Variants in ADRB1 observed in about 807,000 individuals in gnomAD.
ADRB1 encodes the protein adrenoceptor beta 1.
For missense variants in ADRB1, 635 were observed against 709.1 expected (o/e 0.90, Z 1.19); for synonymous variants, 365 against 347.2 (o/e 1.05, Z -0.57).
At position 114,045,590 on chromosome 10, in the gene ADRB1, C is replaced by A; in HGVS notation, c.*24C>A. 7.9e-7 allele frequency: 1 copy of A among 1,272,076 alleles called. No homozygotes were observed. The highest frequency in any genetic ancestry group is 1.0e-6 in the Non-Finnish European group (1 of 1,001,462). The allele number at this position is 1,272,076 out of a possible 1,614,324, so 78.8% of individuals were successfully genotyped here. On this transcript the variant is annotated 3_prime_UTR_variant, in exon 1 of 1. Coordinates refer to ENST00000369295, the MANE Select transcript of ADRB1 (RefSeq NM_000684.3). ...AGGGCCCGGCGCGGGGCGCGGACTC[C>A]GGGCACGGCTTCCCAGGGGAACGAG...
Position 114,045,615 on chromosome 10 carries a change from G to A in ADRB1, c.*49G>A. The A allele has an allele frequency of 8.0e-7, 1 of 1,257,786 alleles. No homozygotes were observed. Among genetic ancestry groups the A allele is most frequent in the Non-Finnish European group, 1.0e-6 (1 of 992,598 alleles). The allele number at this position is 1,257,786 out of a possible 1,614,324, so 77.9% of individuals were successfully genotyped here. On this transcript the variant is annotated 3_prime_UTR_variant, in exon 1 of 1. Coordinates refer to ENST00000369295, the MANE Select transcript of ADRB1 (RefSeq NM_000684.3). ...CGGGCACGGCTTCCCAGGGGAACGA[G>A]GAGATCTGTGTTTACTTAAGACCGA... is the stretch of plus-strand genomic sequence containing the variant.
At position 114,044,503 on chromosome 10, in the gene ADRB1, G is replaced by A; in HGVS notation, c.371G>A (p.Trp124Ter). The change falls in exon 1 of 1, where the codon TGG (tryptophan) becomes TAG (stop). Residue 124 changes from tryptophan to a stop codon, truncating the protein, a stop_gained. Transcript: ENST00000369295. LOFTEE classifies it low-confidence loss of function (END_TRUNC). The surrounding 1 kb of genome is among the most constrained non-coding windows in gnomAD (Gnocchi z 7.8). ...FGATIVVWGR[W>*]EYGSFFCELW... is the part of the protein sequence containing the mutation. The stretch of plus-strand genomic sequence containing the variant: ...GCCACCATCGTGGTGTGGGGCCGCT[G>A]GGAGTACGGCTCCTTCTTCTGCGAG... 6.2e-7 allele frequency: 1 copy of A among 1,613,712 alleles called. No individual in the cohort carries two copies. Among genetic ancestry groups the A allele is most frequent in the Non-Finnish European group, 8.5e-7 (1 of 1,179,972 alleles).
In ADRB1 at chr10:114,044,730, CGGGCGGA is replaced by C; in HGVS notation, c.600_606del (p.Glu202ThrfsTer27). ...CCTGCCCATCCTCATGCACTGGTGGCGGGCGGAGAGCGACGAGGCGCGCCGCTGCTAC... is the reference window on the plus strand; with the variant it reads ...CCTGCCCATCCTCATGCACTGGTGGCGAGCGACGAGGCGCGCCGCTGCTAC... On this transcript the variant is annotated frameshift_variant, in exon 1 of 1. Transcript: ENST00000369295. LOFTEE classifies it low-confidence loss of function (END_TRUNC). The surrounding 1 kb of genome is among the most constrained non-coding windows in gnomAD (Gnocchi z 7.8). 2 of 1,610,658 alleles carry C rather than the reference CGGGCGGA, an allele frequency of 1.2e-6. No homozygotes were observed. The highest frequency in any genetic ancestry group is 1.7e-6 in the Non-Finnish European group (2 of 1,179,486).
At position 114,044,336 on chromosome 10, in the gene ADRB1, C is replaced by A. The variant is rs1186022858; in HGVS notation, c.204C>A (p.Ile68=). ...TAGMGLLMAL[I]VLLIVAGNVL... is the part of the protein sequence containing the mutation. Reference sequence around the variant, plus strand: ...GCATGGGTCTGCTGATGGCGCTCATCGTGCTGCTCATCGTGGCGGGCAATG... The same window carrying A: ...GCATGGGTCTGCTGATGGCGCTCATAGTGCTGCTCATCGTGGCGGGCAATG... Residue 68 remains isoleucine (I), a synonymous_variant, in exon 1 of 1, where the codon ATC becomes ATA. Transcript: ENST00000369295. The surrounding 1 kb of genome is among the most constrained non-coding windows in gnomAD (Gnocchi z 7.8). 6.2e-7 allele frequency: 1 copy of A among 1,602,610 alleles called. No homozygotes were observed. Among genetic ancestry groups the A allele is most frequent in the South Asian group, 1.1e-5 (1 of 90,540 alleles).
Position 114,045,443 on chromosome 10 carries a change from G to A in ADRB1, c.1311G>A (p.Gly437=). 1.6e-6 allele frequency: 2 copies of A among 1,249,536 alleles called. No homozygotes were observed. The highest frequency in any genetic ancestry group is 1.0e-6 in the Non-Finnish European group (1 of 995,582). The allele number at this position is 1,249,536 out of a possible 1,614,324, so 77.4% of individuals were successfully genotyped here. The change falls in exon 1 of 1, where the codon GGG becomes GGA. Residue 437 remains glycine (G), a synonymous_variant. Transcript: ENST00000369295. Reference sequence around the variant, plus strand: ...ACGACGACGACGACGATGTCGTCGGGGCCACGCCGCCCGCGCGCCTGCTGG... The same window carrying A: ...ACGACGACGACGACGATGTCGTCGGAGCCACGCCGCCCGCGCGCCTGCTGG... The part of the protein sequence containing the change: ...ASDDDDDDVV[G]ATPPARLLEP...
In ADRB1 at chr10:114,044,744, C is replaced by T. The variant is rs1398625070; in HGVS notation, c.612C>T (p.Asp204=). ...TGCACTGGTGGCGGGCGGAGAGCGA[C>T]GAGGCGCGCCGCTGCTACAACGACC... The part of the protein sequence containing the change: ...ILMHWWRAES[D]EARRCYNDPK... The change falls in exon 1 of 1, where the codon GAC becomes GAT. Residue 204 remains aspartate, a synonymous_variant. Coordinates refer to ENST00000369295, the MANE Select transcript of ADRB1 (RefSeq NM_000684.3). This position sits in a 1 kb window ranked among gnomAD's most constrained non-coding sequence, Gnocchi z 7.8. 1 of 1,611,422 alleles carries T rather than the reference C, an allele frequency of 6.2e-7. No homozygotes were observed. Among genetic ancestry groups the T allele is most frequent in the Non-Finnish European group, 8.5e-7 (1 of 1,179,728 alleles).
Position 114,045,307 on chromosome 10 carries a change from G to A in ADRB1, c.1175G>A (p.Cys392Tyr), listed in dbSNP as rs763305276. Reference protein sequence around the residue: ...DFRKAFQGLLCCARRAARRRH... With the variant: ...DFRKAFQGLLYCARRAARRRH... ...CGCAAGGCCTTCCAGGGACTGCTCTGCTGCGCGCGCAGGGCTGCCCGCCGG... is the reference window on the plus strand; with the variant it reads ...CGCAAGGCCTTCCAGGGACTGCTCTACTGCGCGCGCAGGGCTGCCCGCCGG... The change falls in exon 1 of 1, where the codon TGC becomes TAC. Residue 392 changes from cysteine (C) to tyrosine (Y), a missense_variant. Physicochemically the swap from Cys to Tyr is radical, Grantham distance 194 (BLOSUM62 -2). Coordinates refer to ENST00000369295, the MANE Select transcript of ADRB1 (RefSeq NM_000684.3). 9.6e-6 allele frequency: 15 copies of A among 1,559,860 alleles called. No individual in the cohort carries two copies. In the African/African-American group the frequency reaches 1.4e-4, roughly 15 times the overall value.
At position 114,044,220 on chromosome 10, in the gene ADRB1, G is replaced by C. The variant is rs1847526713; in HGVS notation, c.88G>C (p.Ala30Pro). The C allele has an allele frequency of 1.4e-6, 2 of 1,416,364 alleles. No homozygotes were observed. Among genetic ancestry groups the C allele is most frequent in the Non-Finnish European group, 1.8e-6 (2 of 1,098,190 alleles). The allele number at this position is 1,416,364 out of a possible 1,614,324, so 87.7% of individuals were successfully genotyped here. Residue 30 changes from alanine (A) to proline (P), a missense_variant, in exon 1 of 1, where the codon GCG (alanine) becomes CCG (proline). Transcript: ENST00000369295. This position sits in a 1 kb window ranked among gnomAD's most constrained non-coding sequence, Gnocchi z 7.8. ...APLPDGAATAARLLVPASPPA... is the reference protein window; with the variant it reads ...APLPDGAATAPRLLVPASPPA... ...GCTCCCCGACGGCGCGGCCACCGCG[G>C]CGCGGCTGCTGGTGCCCGCGTCGCC... is the stretch of plus-strand genomic sequence containing the variant.
Position 114,045,194 on chromosome 10 carries a change from G to A in ADRB1, c.1062G>A (p.Val354=). The change falls in exon 1 of 1, where the codon GTG becomes GTA. Residue 354 remains valine, a synonymous_variant. Transcript: ENST00000369295. The part of the protein sequence containing the change: ...NVVKAFHREL[V]PDRLFVFFNW... Reference sequence around the variant, plus strand: ...TGAAGGCCTTCCACCGCGAGCTGGTGCCCGACCGCCTCTTCGTCTTCTTCA... The same window carrying A: ...TGAAGGCCTTCCACCGCGAGCTGGTACCCGACCGCCTCTTCGTCTTCTTCA... The A allele has an allele frequency of 6.3e-7, 1 of 1,598,216 alleles. No individual in the cohort carries two copies.
rs1218148560 is a variant in ADRB1 at position 114,045,797 on chromosome 10, CTTCTTTT to C, written c.*234_*240del. On this transcript the variant is annotated 3_prime_UTR_variant, in exon 1 of 1. Coordinates refer to ENST00000369295, the MANE Select transcript of ADRB1 (RefSeq NM_000684.3). ...TTTTTTTTCTTTTCTTTTCTTTCTT[CTTCTTTT>C]TTTTTTTTTTTTTTTTTTCTGTTTG... 2.8e-5 allele frequency: 5 copies of C among 180,724 alleles called. No homozygotes were observed. The highest frequency in any genetic ancestry group is 1.1e-4 in the Admixed American group (1 of 9,412). 11.2% of individuals were successfully genotyped at this position (180,724 alleles called of 1,614,324 possible). A position where few individuals can be genotyped will look rare whatever the true frequency, so the allele number is the denominator to read the frequency against.
Position 114,044,905 on chromosome 10 carries a change from T to C in ADRB1, c.773T>C (p.Ile258Thr). 6.3e-7 allele frequency: 1 copy of C among 1,597,176 alleles called. No individual in the cohort carries two copies. Among genetic ancestry groups the C allele is most frequent in the South Asian group, 1.1e-5 (1 of 90,052 alleles). The change falls in exon 1 of 1, where the codon ATC becomes ACC. Residue 258 changes from isoleucine to threonine, a missense_variant. Physicochemically the swap from Ile to Thr is moderately conservative, Grantham distance 89. Coordinates refer to ENST00000369295, the MANE Select transcript of ADRB1 (RefSeq NM_000684.3). This position sits in a 1 kb window ranked among gnomAD's most constrained non-coding sequence, Gnocchi z 7.8. ...GAGGCCCAGAAGCAGGTGAAGAAGATCGACAGCTGCGAGCGCCGTTTCCTC... is the reference window on the plus strand; with the variant it reads ...GAGGCCCAGAAGCAGGTGAAGAAGACCGACAGCTGCGAGCGCCGTTTCCTC... Reference protein sequence around the residue: ...FREAQKQVKKIDSCERRFLGG... With the variant: ...FREAQKQVKKTDSCERRFLGG...
rs1182992855 is a variant in ADRB1 at position 114,044,331 on chromosome 10, C to T, written c.199C>T (p.Leu67Phe). Reference sequence around the variant, plus strand: ...AGCGGGCATGGGTCTGCTGATGGCGCTCATCGTGCTGCTCATCGTGGCGGG... The same window carrying T: ...AGCGGGCATGGGTCTGCTGATGGCGTTCATCGTGCTGCTCATCGTGGCGGG... ...WTAGMGLLMA[L>F]IVLLIVAGNV... The change falls in exon 1 of 1, where the codon CTC (leucine) becomes TTC (phenylalanine). Residue 67 changes from leucine to phenylalanine, a missense_variant. Physicochemically the swap from Leu to Phe is conservative, Grantham distance 22 (BLOSUM62 0). Transcript: ENST00000369295. The surrounding 1 kb of genome is among the most constrained non-coding windows in gnomAD (Gnocchi z 7.8). 2 of 1,601,298 alleles carry T rather than the reference C, an allele frequency of 1.2e-6. No homozygotes were observed. The highest frequency in any genetic ancestry group is 2.7e-5 in the African/African-American group (2 of 74,816).
In ADRB1 at chr10:114,045,233, C is replaced by T; in HGVS notation, c.1101C>T (p.Tyr367=). 6.3e-7 allele frequency: 1 copy of T among 1,599,226 alleles called. No individual in the cohort carries two copies. Among genetic ancestry groups the T allele is most frequent in the Non-Finnish European group, 8.5e-7 (1 of 1,172,640 alleles). ...TCGTCTTCTTCAACTGGCTGGGCTACGCCAACTCGGCCTTCAACCCCATCA... is the reference window on the plus strand; with the variant it reads ...TCGTCTTCTTCAACTGGCTGGGCTATGCCAACTCGGCCTTCAACCCCATCA... ...RLFVFFNWLG[Y]ANSAFNPIIY... Residue 367 remains tyrosine (Y), a synonymous_variant, in exon 1 of 1, where the codon TAC becomes TAT. Transcript: ENST00000369295.
chr10:114,044,130 G>T lies in ADRB1; in HGVS notation c.-3G>T. ...CCCCCGCCCCCGGCCTCCGCAGCTC[G>T]GCATGGGCGCGGGGGTGCTCGTCCT... On this transcript the variant is annotated 5_prime_UTR_variant, in exon 1 of 1. Coordinates refer to ENST00000369295, the MANE Select transcript of ADRB1 (RefSeq NM_000684.3). This position sits in a 1 kb window ranked among gnomAD's most constrained non-coding sequence, Gnocchi z 7.8. 7.8e-7 allele frequency: 1 copy of T among 1,276,032 alleles called. No homozygotes were observed. The highest frequency in any genetic ancestry group is 2.8e-5 in the South Asian group (1 of 36,240). The allele number at this position is 1,276,032 out of a possible 1,614,324, so 79.0% of individuals were successfully genotyped here.
In ADRB1 at chr10:114,044,376, G is replaced by A; in HGVS notation, c.244G>A (p.Ala82Thr). ...GGCGGGCAATGTGCTGGTGATCGTG[G>A]CCATCGCCAAGACGCCGCGGCTGCA... The part of the protein sequence containing the change: ...IVAGNVLVIV[A>T]IAKTPRLQTL... The change falls in exon 1 of 1, where the codon GCC (alanine) becomes ACC (threonine). Residue 82 changes from alanine to threonine, a missense_variant. Transcript: ENST00000369295. The surrounding 1 kb of genome is among the most constrained non-coding windows in gnomAD (Gnocchi z 7.8). 6.2e-7 allele frequency: 1 copy of A among 1,609,764 alleles called. No homozygotes were observed.
rs913195347 is a variant in ADRB1, at chr10:114,045,471, C to G, written c.1339C>G (p.Pro447Ala). The change falls in exon 1 of 1, where the codon CCC (proline) becomes GCC (alanine). Residue 447 changes from proline (P) to alanine (A), a missense_variant. Physicochemically the swap from Pro to Ala is conservative, Grantham distance 27. Coordinates refer to ENST00000369295, the MANE Select transcript of ADRB1 (RefSeq NM_000684.3). ...GATPPARLLE[P>A]WAGCNGGAAA... is the part of the protein sequence containing the mutation. Reference sequence around the variant, plus strand: ...CACGCCGCCCGCGCGCCTGCTGGAGCCCTGGGCCGGCTGCAACGGCGGGGC... The same window carrying G: ...CACGCCGCCCGCGCGCCTGCTGGAGGCCTGGGCCGGCTGCAACGGCGGGGC... 56 of 1,280,614 alleles carry G rather than the reference C, an allele frequency of 4.4e-5. No individual in the cohort carries two copies. The African/African-American group carries it at 6.2e-4, about 14-fold the overall frequency. 79.3% of individuals were successfully genotyped at this position (1,280,614 alleles called of 1,614,324 possible). A position where few individuals can be genotyped will look rare whatever the true frequency, so the allele number is the denominator to read the frequency against.
Position 114,045,606 on chromosome 10 carries a change from G to T in ADRB1, c.*40G>T. The T allele has an allele frequency of 1.6e-6, 2 of 1,266,630 alleles. No individual in the cohort carries two copies. The highest frequency in any genetic ancestry group is 2.0e-6 in the Non-Finnish European group (2 of 997,906). 78.5% of individuals were successfully genotyped at this position (1,266,630 alleles called of 1,614,324 possible). Reference sequence around the variant, plus strand: ...CGCGGACTCCGGGCACGGCTTCCCAGGGGAACGAGGAGATCTGTGTTTACT... The same window carrying T: ...CGCGGACTCCGGGCACGGCTTCCCATGGGAACGAGGAGATCTGTGTTTACT... On this transcript the variant is annotated 3_prime_UTR_variant, in exon 1 of 1. Transcript: ENST00000369295.
In ADRB1 at chr10:114,044,787, G is replaced by A. The variant is rs373885952; in HGVS notation, c.655G>A (p.Val219Ile). Residue 219 changes from valine to isoleucine, a missense_variant, in exon 1 of 1, where the codon GTC (valine) becomes ATC (isoleucine). By Grantham distance (29) the Val-to-Ile change is conservative. Coordinates refer to ENST00000369295, the MANE Select transcript of ADRB1 (RefSeq NM_000684.3). The surrounding 1 kb of genome is among the most constrained non-coding windows in gnomAD (Gnocchi z 7.8). ...CYNDPKCCDFVTNRAYAIASS... is the reference protein window; with the variant it reads ...CYNDPKCCDFITNRAYAIASS... ...CAACGACCCCAAGTGCTGCGACTTC[G>A]TCACCAACCGGGCCTACGCCATCGC... The A allele has an allele frequency of 6.8e-6, 11 of 1,613,556 alleles. No homozygotes were observed. The highest frequency in any genetic ancestry group is 9.3e-6 in the Non-Finnish European group (11 of 1,179,948).
At position 114,044,735 on chromosome 10, in the gene ADRB1, G is replaced by A; in HGVS notation, c.603G>A (p.Ala201=). The change falls in exon 1 of 1, where the codon GCG becomes GCA. Residue 201 remains alanine, a synonymous_variant. Transcript: ENST00000369295. This position sits in a 1 kb window ranked among gnomAD's most constrained non-coding sequence, Gnocchi z 7.8. ...FLPILMHWWR[A]ESDEARRCYN... is the part of the protein sequence containing the mutation. ...CCATCCTCATGCACTGGTGGCGGGCGGAGAGCGACGAGGCGCGCCGCTGCT... is the reference window on the plus strand; with the variant it reads ...CCATCCTCATGCACTGGTGGCGGGCAGAGAGCGACGAGGCGCGCCGCTGCT... The A allele has an allele frequency of 6.2e-7, 1 of 1,611,042 alleles. No homozygotes were observed. The highest frequency in any genetic ancestry group is 8.5e-7 in the Non-Finnish European group (1 of 1,179,574).
Sources: allele counts gnomAD v4.1 joint callset, GRCh38; gene constraint gnomAD v4.1.1; non-coding constraint Gnocchi (gnomAD v3.1); transcripts MANE v1.5; gene names NCBI Gene and HGNC (gene_info 2026-07-23, HGNC 2026-07-21).